CADM2: variants seen among roughly 807,000 people sequenced by gnomAD.
CADM2 encodes the protein cell adhesion molecule 2.
In CADM2, 12 loss-of-function variants were observed where a neutral mutation model predicts 49.8. The observed-to-expected ratio is 0.24, with a 90% CI of 0.15 to 0.39. The LOEUF (loss-of-function observed/expected upper bound fraction) is 0.39, where lower values mean the gene tolerates loss of function less well. Among genes scored for constraint, CADM2 ranks in the 10% least tolerant of loss-of-function variants. The probability of loss-of-function intolerance (pLI) is 1.00; values close to 1 mark genes in which losing one functional copy is unlikely to be tolerated. For synonymous variants in CADM2, 214 were observed against 175.4 expected (o/e 1.22, Z -1.74); for missense variants, 378 against 492.3 (o/e 0.77, Z 2.20).
chr3:85,494,798 C>T (rs753333393), intron 1 of CADM2, among the ~76,000 whole-genome samples: 1 of 151,894 alleles, frequency 6.6e-6, no homozygotes, highest in Non-Finnish European at 1.5e-5. Flanking sequence ...CATAATAATG[C>T]GTTCATAATT....
chr3:85,979,328 G>T (rs2108663425), intron 8 of CADM2: 3 of 1,590,852 alleles, frequency 1.9e-6, no homozygotes, highest in South Asian at 1.1e-5. Flanking sequence ...ACATTAACTG[G>T]AGCTCTGTAG....
rs182419139 is a variant in CADM2 at position 85,289,295 on chromosome 3, C to T, written c.61+329627C>T. Among the ~76,000 whole-genome samples, 30 of 152,260 alleles carry T rather than the reference C, an allele frequency of 2.0e-4. No homozygotes were observed. The East Asian group carries it at 2.5e-3, about 13-fold the overall frequency. On this transcript the variant is annotated intron_variant, in intron 1 of 9. Coordinates refer to ENST00000383699, the MANE Select transcript of CADM2 (RefSeq NM_001167675.2). ...ACATAGACTGCATTTTCTTTTAATA[C>T]TACCAAATCTCTATGGAATTTCTTT... is the stretch of plus-strand genomic sequence containing the variant.
At chr3:85,427,420 G>A (rs915464336) in intron 1 of CADM2, among the ~76,000 whole-genome samples, 3 of 151,726 alleles carry the variant, frequency 2.0e-5, no homozygotes, top group South Asian at 2.1e-4. Context: ...TTTTTGAGAG[G>A]TTAAGCGTCT....
chr3:85,515,696 C>G (rs1359900075), intron 1 of CADM2, among the ~76,000 whole-genome samples: 2 of 149,492 alleles, frequency 1.3e-5, no homozygotes, highest in African/African-American at 4.9e-5. Context: ...GGTCTCAGAC[C>G]TCGAACTCCT....
intron 2 of CADM2, among the ~76,000 whole-genome samples, chr3:85,742,528 T>C (rs1389470368): frequency 1.3e-5 from 2 of 152,194 alleles, no homozygotes; most frequent in East Asian, 3.8e-4. Flanking sequence ...GAGGCTTAAA[T>C]TATAAATGAG....
At chr3:85,974,992 T>C (rs1726595112) in intron 8 of CADM2, among the ~76,000 whole-genome samples, 2 of 151,594 alleles carry the variant, frequency 1.3e-5, no homozygotes, top group African/African-American at 4.8e-5. Context: ...CTCAGCTTCC[T>C]GTCAATAAAA....
chr3:85,201,659 C>A (rs2107746988), intron 1 of CADM2, among the ~76,000 whole-genome samples: 1 of 152,274 alleles, frequency 6.6e-6, no homozygotes. Context: ...CTCTCTAACC[C>A]TACCACTGCT....
At chr3:85,294,020 G>T (rs1050278968) in intron 1 of CADM2, among the ~76,000 whole-genome samples, 18 of 151,888 alleles carry the variant, frequency 1.2e-4, no homozygotes, top group Admixed American at 8.5e-4. Flanking sequence ...CAGACGACAT[G>T]ATTGTATATC....
chr3:85,742,516 C>T (rs1023008843), intron 2 of CADM2, among the ~76,000 whole-genome samples: 1 of 152,058 alleles, frequency 6.6e-6, no homozygotes, highest in Non-Finnish European at 1.5e-5. Context: ...ATTTAACTAT[C>T]AGAGGCTTAA....
At position 85,898,955 on chromosome 3, in the gene CADM2, A is replaced by ATATACATATT. The variant is rs1475991339; in HGVS notation, c.529+12629_529+12630insATACATATTT. On this transcript the variant is annotated intron_variant, in intron 5 of 9. Transcript: ENST00000383699. ...TTATTGTGTATATATATATATATAT[A>ATATACATATT]TTTTTTTTTTTTTTTTTTTTTTTTT... is the stretch of plus-strand genomic sequence containing the variant. Among the ~76,000 whole-genome samples the ATATACATATT allele has an allele frequency of 4.4e-4, 15 of 33,908 alleles. 1 individual carries two copies. The highest frequency in any genetic ancestry group is 2.0e-3 in the African/African-American group (14 of 6,874). 22.2% of individuals were successfully genotyped at this position (33,908 alleles called of 152,430 possible).
intron 1 of CADM2, among the ~76,000 whole-genome samples, chr3:85,202,627 A>G (rs1350215345): frequency 3.9e-5 from 6 of 152,184 alleles, no homozygotes; most frequent in African/African-American, 1.4e-4. Context: ...TAAAGGCACT[A>G]GGATTTTTGG....
At chr3:85,134,018 C>G (rs2107615214) in intron 1 of CADM2, among the ~76,000 whole-genome samples, 1 of 152,342 alleles carries the variant, frequency 6.6e-6, no homozygotes, top group Middle Eastern at 3.4e-3. Context: ...GGGAAGGCAG[C>G]TAAGGCCCGG....
At chr3:85,693,022 G>A (rs1419285070) in intron 1 of CADM2, among the ~76,000 whole-genome samples, 1 of 151,968 alleles carries the variant, frequency 6.6e-6, no homozygotes, top group East Asian at 1.9e-4. Context: ...TAGATCAAGA[G>A]ATGGAAACCA....
At chr3:85,685,464 G>T (rs1218615421) in intron 1 of CADM2, among the ~76,000 whole-genome samples, 1 of 152,084 alleles carries the variant, frequency 6.6e-6, no homozygotes, top group Non-Finnish European at 1.5e-5. Context: ...GTATTGTGTG[G>T]GGGCAGAAGT....
At chr3:86,066,546 C>T in intron 9 of CADM2, 119 bp from the exon 10 acceptor site, 1 of 711,894 alleles carries the variant, frequency 1.4e-6, no homozygotes, top group South Asian at 1.7e-5. Flanking sequence ...AAGAGTCAAT[C>T]GGGTAGCATA....
chr3:85,732,210 G>A (rs1015085170), intron 2 of CADM2, among the ~76,000 whole-genome samples: 26 of 150,908 alleles, frequency 1.7e-4, no homozygotes, highest in Admixed American at 6.6e-4. Context: ...GCAGTGAACC[G>A]AAATCACACC....
chr3:86,028,619 C>A (rs917080988), intron 8 of CADM2, among the ~76,000 whole-genome samples: 2 of 152,060 alleles, frequency 1.3e-5, no homozygotes. Context: ...TATTTCACTT[C>A]TTTCTATCTT....
At chr3:85,601,130 G>GTATA (rs375011644) in intron 1 of CADM2, among the ~76,000 whole-genome samples, 191 of 109,518 alleles carry the variant, frequency 1.7e-3, no homozygotes, top group Middle Eastern at 5.2e-3. Flanking sequence ...ATATATGTGT[G>GTATA]TATATATATA....
chr3:85,733,486 A>C (rs1374399093), intron 2 of CADM2, among the ~76,000 whole-genome samples: 1 of 152,188 alleles, frequency 6.6e-6, no homozygotes, highest in Admixed American at 6.5e-5. Context: ...TCATGTTGCA[A>C]AGTACAAACT....
Sources: allele counts gnomAD v4.1 joint callset (sites outside exome capture counted in the v4.1 genomes callset), GRCh38; gene constraint gnomAD v4.1.1; transcripts MANE v1.5; gene names NCBI Gene and HGNC (gene_info 2026-07-23, HGNC 2026-07-21).